The following ERBB4 variants were observed in gnomAD, a reference collection of about 807,000 sequenced individuals.
ERBB4 encodes erb-b2 receptor tyrosine kinase 4.
Under a neutral mutation model 158.0 loss-of-function variants are expected in ERBB4, and 42 were observed. The observed-to-expected ratio is 0.27, with a 90% CI of 0.21 to 0.34. ERBB4 has a LOEUF of 0.34. ERBB4 is among the 10% of genes least tolerant of loss of function. The pLI, the probability that ERBB4 is intolerant of heterozygous loss-of-function variation, is 1.00. For synonymous variants in ERBB4, 583 were observed against 558.7 expected (o/e 1.04, Z -0.61); for missense variants, 1,333 against 1,624.1 (o/e 0.82, Z 3.08).
At chr2:211,656,199 C>T (rs2071210153) in intron 16 of ERBB4, among the ~76,000 whole-genome samples, 2 of 152,142 alleles carry the variant, frequency 1.3e-5, no homozygotes, top group South Asian at 4.1e-4. Flanking sequence ...GGCTCTGTTG[C>T]CATCTTGTTT....
chr2:212,034,314 A>G (rs1161475731), intron 2 of ERBB4, among the ~76,000 whole-genome samples: 1 of 151,884 alleles, frequency 6.6e-6, no homozygotes, highest in Non-Finnish European at 1.5e-5. Flanking sequence ...CTATTAAATT[A>G]CTCTAATGGA....
chr2:211,417,052 C>T (rs1008225365), intron 25 of ERBB4, among the ~76,000 whole-genome samples: 4 of 152,178 alleles, frequency 2.6e-5, no homozygotes, highest in East Asian at 3.9e-4. Context: ...CATAATATTC[C>T]GTGAGAAAAT....
At chr2:211,794,766 A>G (rs563739507) in intron 3 of ERBB4, among the ~76,000 whole-genome samples, 10 of 151,906 alleles carry the variant, frequency 6.6e-5, no homozygotes, top group Non-Finnish European at 1.5e-4. Context: ...TCAAATTATG[A>G]ACATAGGATT....
chr2:211,396,711 A>G (rs939721600), intron 25 of ERBB4, among the ~76,000 whole-genome samples: 6 of 152,206 alleles, frequency 3.9e-5, no homozygotes, highest in Non-Finnish European at 7.3e-5. Context: ...GGTGTTGGCA[A>G]CAAGCAAACA....
At chr2:211,960,928 G>A (rs1297857706) in intron 2 of ERBB4, among the ~76,000 whole-genome samples, 2 of 152,024 alleles carry the variant, frequency 1.3e-5, no homozygotes, top group Admixed American at 6.6e-5. Context: ...AACCAATTTT[G>A]ATTCATTAAT....
In ERBB4 at chr2:211,916,302, C is replaced by T. The variant is rs569942401; in HGVS notation, c.421+31128G>A. On this transcript the variant is annotated intron_variant, in intron 3 of 27. Transcript: ENST00000342788. ...TCAAGTGATTCTCCTTCCTCAGCCT[C>T]CCGAGTATCTGGGATTACAGGCACC... Among the ~76,000 whole-genome samples the T allele has an allele frequency of 7.8e-4, 119 of 152,154 alleles. 1 individual carries two copies. Among genetic ancestry groups the T allele is most frequent in the Non-Finnish European group, 1.2e-3 (80 of 68,010 alleles).
intron 2 of ERBB4, among the ~76,000 whole-genome samples, chr2:212,091,979 T>A (rs2078793212): frequency 6.6e-6 from 1 of 152,164 alleles, no homozygotes; most frequent in Non-Finnish European, 1.5e-5. Context: ...GTATTTTCTC[T>A]CTTCCTAATT....
chr2:211,452,816 T>A (rs2064282638), intron 20 of ERBB4, among the ~76,000 whole-genome samples: 1 of 152,198 alleles, frequency 6.6e-6, no homozygotes, highest in Non-Finnish European at 1.5e-5. Flanking sequence ...ATCAGTGTCA[T>A]GTTAAATAAT....
rs544581602 is a variant in ERBB4 at position 212,141,958 on chromosome 2, G to T, written c.83-17055C>A. Among the ~76,000 whole-genome samples, 16 of 152,146 alleles carry T rather than the reference G, an allele frequency of 1.1e-4. No individual in the cohort carries two copies. In the East Asian group the frequency reaches 1.9e-3, roughly 18 times the overall value. Reference sequence around the variant, plus strand: ...CATATCAATCAGAATAAAATTAAAAGTCCTTATCTAGACCTACTACAAGGC... The same window carrying T: ...CATATCAATCAGAATAAAATTAAAATTCCTTATCTAGACCTACTACAAGGC... On this transcript the variant is annotated intron_variant, in intron 1 of 27. Transcript: ENST00000342788.
chr2:211,736,742 T>C (rs915677476), intron 5 of ERBB4, among the ~76,000 whole-genome samples: 6 of 152,152 alleles, frequency 3.9e-5, no homozygotes, highest in African/African-American at 1.4e-4. Context: ...TTGTGCTTTT[T>C]ATTCCCACCA....
At chr2:211,391,566 G>A (rs943753311) in intron 25 of ERBB4, among the ~76,000 whole-genome samples, 1 of 152,164 alleles carries the variant, frequency 6.6e-6, no homozygotes, top group African/African-American at 2.4e-5. Flanking sequence ...TGGATGGAAT[G>A]AGTTTAATTC....
At chr2:212,412,494 T>C (rs899184232) in intron 1 of ERBB4, among the ~76,000 whole-genome samples, 1 of 152,180 alleles carries the variant, frequency 6.6e-6, no homozygotes, top group Non-Finnish European at 1.5e-5. Flanking sequence ...CCCTCCGCCA[T>C]GAGTAAAAGC....
At chr2:211,660,284 C>T (rs1374232855) in intron 15 of ERBB4, among the ~76,000 whole-genome samples, 1 of 152,190 alleles carries the variant, frequency 6.6e-6, no homozygotes, top group Non-Finnish European at 1.5e-5. Context: ...CAGGCCGACT[C>T]ATTTGGCACA....
chr2:211,943,221 C>G (rs1326295059), intron 3 of ERBB4, among the ~76,000 whole-genome samples: 1 of 151,888 alleles, frequency 6.6e-6, no homozygotes, highest in African/African-American at 2.4e-5. Flanking sequence ...TTTTATGGCC[C>G]ATATAATTCC....
At chr2:211,746,870 A>AGAACATC (rs1179541276) in intron 5 of ERBB4, among the ~76,000 whole-genome samples, 1 of 151,930 alleles carries the variant, frequency 6.6e-6, no homozygotes, top group Non-Finnish European at 1.5e-5. Context: ...ATATACTAGA[A>AGAACATC]GAACATCGTG....
At chr2:211,931,784 T>C (rs893047863) in intron 3 of ERBB4, among the ~76,000 whole-genome samples, 5 of 151,988 alleles carry the variant, frequency 3.3e-5, no homozygotes, top group African/African-American at 1.2e-4. Context: ...GAAGAACCAA[T>C]AAAGAACACG....
In ERBB4 at chr2:212,271,904, A is replaced by G. The variant is rs138960102; in HGVS notation, c.83-147001T>C. 5.1e-3 allele frequency among the ~76,000 whole-genome samples: 773 copies of G among 151,932 alleles called. 4 individuals are homozygous for G. Among genetic ancestry groups the G allele is most frequent in the Middle Eastern group, 0.017 (5 of 294 alleles). On this transcript the variant is annotated intron_variant, in intron 1 of 27. Coordinates refer to ENST00000342788, the MANE Select transcript of ERBB4 (RefSeq NM_005235.3). ...CTCTAGACGTTTAGCAAAGATAAATATTAGTATTTTTCATATTTTAAAATG... is the reference window on the plus strand; with the variant it reads ...CTCTAGACGTTTAGCAAAGATAAATGTTAGTATTTTTCATATTTTAAAATG...
At chr2:211,568,841 T>G (rs1371551156) in intron 19 of ERBB4, among the ~76,000 whole-genome samples, 1 of 152,122 alleles carries the variant, frequency 6.6e-6, no homozygotes, top group African/African-American at 2.4e-5. Context: ...ACGGCCACAA[T>G]GATGAAAAAT....
At chr2:212,480,368 G>A (rs567850655) in intron 1 of ERBB4, among the ~76,000 whole-genome samples, 1 of 152,254 alleles carries the variant, frequency 6.6e-6, no homozygotes, top group Non-Finnish European at 1.5e-5. Flanking sequence ...ACAGGAAAGA[G>A]GAGCAAAAGA....
Sources: gnomAD v4.1 joint callset for allele counts (sites outside exome capture counted in the v4.1 genomes callset) on GRCh38, gnomAD v4.1.1 for gene constraint, MANE v1.5 for transcripts, NCBI Gene and HGNC (gene_info 2026-07-23, HGNC 2026-07-21) for gene names.